FGGY: variants seen among roughly 807,000 people sequenced by gnomAD.
The protein encoded by FGGY is FGGY carbohydrate kinase domain-containing protein.
A neutral mutation model predicts 71.3 loss-of-function variants in FGGY; 72 were observed. That is an observed-to-expected ratio of 1.01 (90% CI 0.84 to 1.23). The LOEUF (loss-of-function observed/expected upper bound fraction) is 1.23, where lower values mean the gene tolerates loss of function less well. Ranked by LOEUF, FGGY falls within the 50% of genes most tolerant of loss-of-function variation. FGGY has a pLI of 0.00. For missense variants in FGGY, 668 were observed against 682.3 expected, an observed-to-expected ratio of 0.98 and a Z score of 0.23; for synonymous variants, 251 against 250.3, an observed-to-expected ratio of 1.00 and a Z score of -0.02.
At chr1:59,523,092 A>C (rs1247229026) in intron 7 of FGGY, among the ~76,000 whole-genome samples, 1 of 152,216 alleles carries the variant, frequency 6.6e-6, no homozygotes, top group Non-Finnish European at 1.5e-5. Context: ...ACAAAAAAAC[A>C]CACAGTAATC....
At chr1:59,683,417 G>T (rs1372480477) in intron 14 of FGGY, among the ~76,000 whole-genome samples, 2 of 152,076 alleles carry the variant, frequency 1.3e-5, no homozygotes, top group East Asian at 3.9e-4. Flanking sequence ...CTTATATGGA[G>T]ACCTATGACT....
At chr1:59,543,510 G>A (rs1396454108) in intron 7 of FGGY, among the ~76,000 whole-genome samples, 2 of 152,152 alleles carry the variant, frequency 1.3e-5, no homozygotes, top group Non-Finnish European at 2.9e-5. Context: ...TAGAAACTTG[G>A]CCTGGTTTTG....
chr1:59,555,817 T>C (rs2095676385), intron 8 of FGGY, among the ~76,000 whole-genome samples: 1 of 152,080 alleles, frequency 6.6e-6, no homozygotes, highest in African/African-American at 2.4e-5. Flanking sequence ...CTGGCCAACA[T>C]GGTGAAACCC....
At chr1:59,420,407 T>C (rs899110043) in intron 5 of FGGY, among the ~76,000 whole-genome samples, 2 of 152,208 alleles carry the variant, frequency 1.3e-5, no homozygotes, top group Non-Finnish European at 2.9e-5. Context: ...GGGTATGTAC[T>C]TCCCACGTGT....
chr1:59,707,049 G>A (rs914227457), intron 14 of FGGY, among the ~76,000 whole-genome samples: 4 of 152,154 alleles, frequency 2.6e-5, no homozygotes, highest in Non-Finnish European at 5.9e-5. Context: ...AGAAAGAGAA[G>A]CAAATCTAAG....
chr1:59,360,127 G>GTTATTGTTATTATTATTA (rs2055170890), intron 4 of FGGY, among the ~76,000 whole-genome samples: 5 of 145,668 alleles, frequency 3.4e-5, no homozygotes, highest in Non-Finnish European at 7.4e-5. Flanking sequence ...TTCTATCATT[G>GTTATTGTTATTATTATTA]TTATTATTAT....
intron 8 of FGGY, among the ~76,000 whole-genome samples, chr1:59,565,025 G>T (rs147157513): frequency 6.6e-6 from 1 of 152,120 alleles, no homozygotes; most frequent in Non-Finnish European, 1.5e-5. Context: ...TGGCAGCATG[G>T]GTTCTTCTCC....
chr1:59,458,237 A>T (rs1433511543), intron 6 of FGGY, among the ~76,000 whole-genome samples: 5 of 152,214 alleles, frequency 3.3e-5, no homozygotes, highest in Admixed American at 2.6e-4. Flanking sequence ...TAGCTTTATT[A>T]GTGTATATAT....
chr1:59,511,301 A>G (rs1465397430), intron 6 of FGGY, among the ~76,000 whole-genome samples: 1 of 152,130 alleles, frequency 6.6e-6, no homozygotes, highest in Non-Finnish European at 1.5e-5. Context: ...CTTGAGCTCC[A>G]TGGAACAATT....
intron 14 of FGGY, among the ~76,000 whole-genome samples, chr1:59,716,246 T>C (rs1370711384): frequency 6.6e-6 from 1 of 152,230 alleles, no homozygotes; most frequent in Non-Finnish European, 1.5e-5. Context: ...ACACAGGAGA[T>C]ACTTAATACA....
At chr1:59,665,981 T>C (rs1323822472) in intron 12 of FGGY, among the ~76,000 whole-genome samples, 3 of 152,128 alleles carry the variant, frequency 2.0e-5, no homozygotes, top group Non-Finnish European at 4.4e-5. Flanking sequence ...CCCAAAACCC[T>C]ATTCCTTACC....
intron 1 of FGGY, among the ~76,000 whole-genome samples, chr1:59,308,260 T>G (rs1441263271): frequency 6.6e-6 from 1 of 152,146 alleles, no homozygotes; most frequent in Non-Finnish European, 1.5e-5. Flanking sequence ...TTAAAACATT[T>G]GAAAGGGTAG....
At chr1:59,630,994 C>A (rs1371894997) in intron 10 of FGGY, among the ~76,000 whole-genome samples, 3 of 152,298 alleles carry the variant, frequency 2.0e-5, no homozygotes, top group Non-Finnish European at 4.4e-5. Context: ...CACCATCAGC[C>A]CCCTGAAACG....
At chr1:59,463,720 C>A (rs1043238306) in intron 6 of FGGY, among the ~76,000 whole-genome samples, 3 of 150,998 alleles carry the variant, frequency 2.0e-5, no homozygotes, top group Non-Finnish European at 2.9e-5. Flanking sequence ...CAATCCTTGT[C>A]TCTGATAAAA....
intron 14 of FGGY, among the ~76,000 whole-genome samples, chr1:59,740,947 C>T (rs547127086): frequency 6.6e-6 from 1 of 152,128 alleles, no homozygotes; most frequent in Non-Finnish European, 1.5e-5. Context: ...TGTAAAATAT[C>T]TCATAAATAA....
intron 14 of FGGY, among the ~76,000 whole-genome samples, chr1:59,690,436 T>A (rs2097579393): frequency 6.6e-6 from 1 of 152,166 alleles, no homozygotes; most frequent in African/African-American, 2.4e-5. Context: ...AAACCCAGAT[T>A]TTCTGACTCT....
At chr1:59,469,071 A>C (rs1231922528) in intron 6 of FGGY, among the ~76,000 whole-genome samples, 2 of 152,086 alleles carry the variant, frequency 1.3e-5, no homozygotes, top group African/African-American at 2.4e-5. Context: ...ATACTGACTT[A>C]TCCACCCACT....
intron 9 of FGGY, among the ~76,000 whole-genome samples, chr1:59,619,113 C>T (rs2096784719): frequency 6.6e-6 from 1 of 152,048 alleles, no homozygotes; most frequent in African/African-American, 2.4e-5. Context: ...ATGAGTCTGT[C>T]ACTTGTGATA....
chr1:59,615,632 C>A (rs2096744035), intron 9 of FGGY, among the ~76,000 whole-genome samples: 1 of 152,144 alleles, frequency 6.6e-6, no homozygotes, highest in African/African-American at 2.4e-5. Flanking sequence ...CAACAAAAGC[C>A]AAAATTGACA....
Sources: allele counts gnomAD v4.1 joint callset (sites outside exome capture counted in the v4.1 genomes callset), GRCh38; gene constraint gnomAD v4.1.1; transcripts MANE v1.5; gene names NCBI Gene and HGNC (gene_info 2026-07-23, HGNC 2026-07-21).